Variants in ANO3 observed in about 807,000 individuals in gnomAD.
ANO3 encodes anoctamin 3.
A neutral mutation model predicts 144.8 loss-of-function variants in ANO3; 99 were observed. The ratio of observed to expected loss-of-function variants is 0.68; its 90% CI spans 0.58 to 0.81. ANO3 has a LOEUF of 0.81. ANO3 is among the 30% of genes least tolerant of loss of function. The pLI, the probability that ANO3 is intolerant of heterozygous loss-of-function variation, is 0.00. For synonymous variants in ANO3, 414 were observed against 392.6 expected, an observed-to-expected ratio of 1.05 and a Z score of -0.64; for missense variants, 905 against 1,202.2, an observed-to-expected ratio of 0.75 and a Z score of 3.66.
intron 1 of ANO3, among the ~76,000 whole-genome samples, chr11:26,337,258 T>C (rs1163153455): frequency 6.6e-6 from 1 of 152,212 alleles, no homozygotes; most frequent in Non-Finnish European, 1.5e-5. Context: ...AGTAAGAACA[T>C]TGCTGTTTAA....
At chr11:26,197,927 A>G (rs1278268637) in intron 1 of ANO3, among the ~76,000 whole-genome samples, 2 of 151,988 alleles carry the variant, frequency 1.3e-5, no homozygotes, top group Non-Finnish European at 1.5e-5. Flanking sequence ...CTCTGACCCC[A>G]TGGCATCTCA....
chr11:26,420,963 T>C (rs375051751), intron 1 of ANO3, among the ~76,000 whole-genome samples: 5 of 152,094 alleles, frequency 3.3e-5, no homozygotes, highest in African/African-American at 1.2e-4. Flanking sequence ...TAGTGTGTTA[T>C]ATTGCAAAGA....
At chr11:26,578,658 A>G (rs1485701307) in intron 14 of ANO3, among the ~76,000 whole-genome samples, 1 of 152,160 alleles carries the variant, frequency 6.6e-6, no homozygotes, top group Non-Finnish European at 1.5e-5. Context: ...AACAGGGTTA[A>G]AAAGTACGAT....
chr11:26,307,181 C>G (rs1046372084), upstream of ANO3, among the ~76,000 whole-genome samples: 2 of 149,368 alleles, frequency 1.3e-5, no homozygotes, highest in African/African-American at 4.9e-5. Flanking sequence ...TAGTAAAACC[C>G]CGCCTCTACT....
At chr11:26,521,899 G>C (rs1278371271) in intron 6 of ANO3, among the ~76,000 whole-genome samples, 1 of 152,116 alleles carries the variant, frequency 6.6e-6, no homozygotes, top group Non-Finnish European at 1.5e-5. Context: ...AAAACATTAA[G>C]AGCGGCCGGG....
chr11:26,403,471 C>A (rs760148477), intron 1 of ANO3, among the ~76,000 whole-genome samples: 2 of 151,868 alleles, frequency 1.3e-5, no homozygotes, highest in Non-Finnish European at 2.9e-5. Context: ...TTTCAAATTG[C>A]AGCTTGAATA....
intron 9 of ANO3, 89 bp from the exon 10 acceptor site, chr11:26,537,317 G>A (rs997383225): frequency 5.7e-6 from 6 of 1,053,466 alleles, no homozygotes; most frequent in East Asian, 2.4e-5. Flanking sequence ...CTTTTTAATC[G>A]ATTCATTGTT....
chr11:26,415,064 G>A (rs1857542858), intron 1 of ANO3, among the ~76,000 whole-genome samples: 1 of 146,380 alleles, frequency 6.8e-6, no homozygotes, highest in Admixed American at 6.8e-5. Context: ...GTATGTGTGT[G>A]TGTGTGTGTG....
chr11:26,594,384 T>G (rs1851546850), intron 14 of ANO3, among the ~76,000 whole-genome samples: 1 of 152,168 alleles, frequency 6.6e-6, no homozygotes, highest in African/African-American at 2.4e-5. Flanking sequence ...CTTCTCTCAT[T>G]TGGAGTTAGT....
chr11:26,630,299 G>C (rs1434115047), intron 18 of ANO3, among the ~76,000 whole-genome samples: 2 of 152,178 alleles, frequency 1.3e-5, no homozygotes, highest in Admixed American at 6.5e-5. Flanking sequence ...ATGTTTTAAA[G>C]TATTATTTGT....
intron 1 of ANO3, among the ~76,000 whole-genome samples, chr11:26,353,464 T>A (rs1054638601): frequency 5.9e-5 from 9 of 152,208 alleles, no homozygotes; most frequent in Admixed American, 1.3e-4. Flanking sequence ...ACTGTATTAT[T>A]TCTGTCTTAC....
upstream of ANO3, among the ~76,000 whole-genome samples, chr11:26,329,325 CACAGAGAG>C (rs71047844): frequency 0.27 from 28,547 of 106,020 alleles, 2,940 homozygotes; most frequent in South Asian, 0.38. Flanking sequence ...CACACACACA[CACAGAGAG>C]AGAGAGAGAG....
chr11:26,537,342 G>T (rs1849536201), intron 9 of ANO3, 64 bp from the exon 10 acceptor site: 1 of 1,290,020 alleles, frequency 7.8e-7, no homozygotes, highest in African/African-American at 1.5e-5. Context: ...GTATATTTCT[G>T]TTGCTTCAGA....
At chr11:26,441,818 A>G in intron 1 of ANO3, 100 bp from the exon 2 acceptor site, 1 of 818,392 alleles carries the variant, frequency 1.2e-6, no homozygotes, top group Non-Finnish European at 1.9e-6. Flanking sequence ...GCACTTTTCA[A>G]TAGTTCATTC....
intron 1 of ANO3, among the ~76,000 whole-genome samples, chr11:26,366,479 T>C (rs569322132): frequency 6.6e-6 from 1 of 151,382 alleles, no homozygotes; most frequent in Admixed American, 6.6e-5. Context: ...TAGCAGCATA[T>C]ACTGGGTATA....
rs751430565 is a variant in ANO3, at chr11:26,319,774, CTTAT to C, written c.-3+10066_-3+10069del. Among the ~76,000 whole-genome samples the C allele has an allele frequency of 1.3e-3, 199 of 152,172 alleles. 1 individual carries two copies. Among genetic ancestry groups the C allele is most frequent in the African/African-American group, 2.7e-3 (111 of 41,528 alleles). ...CTTCCAGAGAAAAACATTTTACCACCTTATTTATTTATTTTTTATTAGAATTTGA... is the reference window on the plus strand; with the variant it reads ...CTTCCAGAGAAAAACATTTTACCACCTTATTTATTTTTTATTAGAATTTGA... On this transcript the variant is annotated intron_variant, in intron 1 of 26. Transcript: ENST00000525139.
At position 26,534,454 on chromosome 11, in the gene ANO3, A is replaced by G. The variant is rs1357051185; in HGVS notation, c.870-2A>G. The G allele has an allele frequency of 6.2e-7, 1 of 1,600,052 alleles. No individual in the cohort carries two copies. The highest frequency in any genetic ancestry group is 1.3e-5 in the African/African-American group (1 of 74,704). On this transcript the variant is annotated splice_acceptor_variant, in intron 8 of 26. Transcript: ENST00000256737. LOFTEE classifies it high-confidence loss of function. Reference sequence around the variant, plus strand: ...ATTAAACCAATCCCCTCATCTTAACAGCTTCATAATAAATAATAAAGACAC... The same window carrying G: ...ATTAAACCAATCCCCTCATCTTAACGGCTTCATAATAAATAATAAAGACAC...
At chr11:26,634,669 T>A (rs1406499618) in intron 19 of ANO3, among the ~76,000 whole-genome samples, 1 of 152,136 alleles carries the variant, frequency 6.6e-6, no homozygotes. Flanking sequence ...CTCCATCCAA[T>A]GCCATGGAAA....
At chr11:26,620,343 T>C (rs1360446711) in intron 17 of ANO3, among the ~76,000 whole-genome samples, 1 of 152,148 alleles carries the variant, frequency 6.6e-6, no homozygotes, top group Non-Finnish European at 1.5e-5. Flanking sequence ...AAGAAATATA[T>C]AGAAACATCA....
Sources: gnomAD v4.1 joint callset for allele counts (sites outside exome capture counted in the v4.1 genomes callset) on GRCh38, gnomAD v4.1.1 for gene constraint, MANE v1.5 for transcripts, NCBI Gene and HGNC (gene_info 2026-07-23, HGNC 2026-07-21) for gene names.